LUC7L2: variants seen among roughly 807,000 people sequenced by gnomAD.
The protein encoded by LUC7L2 is putative RNA-binding protein Luc7-like 2.
Under a neutral mutation model 52.8 loss-of-function variants are expected in LUC7L2, and 25 were observed. That is an observed-to-expected ratio of 0.47 (90% confidence interval 0.34 to 0.66). The LOEUF (loss-of-function observed/expected upper bound fraction) is 0.66. Among genes scored for constraint, LUC7L2 ranks in the 30% least tolerant of loss-of-function variants. The pLI is 0.01. For synonymous variants in LUC7L2, 144 were observed against 160.9 expected (o/e 0.89, Z 0.80); for missense variants, 328 against 497.8 (o/e 0.66, Z 3.25).
chr7:139,410,712 TAG>T (rs376819651), intron 7 of LUC7L2, among the ~76,000 whole-genome samples: 1 of 152,356 alleles, frequency 6.6e-6, no homozygotes, highest in East Asian at 1.9e-4. Flanking sequence ...ACCTTCTCTT[TAG>T]AGTTAGCAGA....
At chr7:139,376,509 GGT>G (rs1800720878) in intron 2 of LUC7L2, among the ~76,000 whole-genome samples, 1 of 151,868 alleles carries the variant, frequency 6.6e-6, no homozygotes, top group Non-Finnish European at 1.5e-5. Context: ...TATCTAGTAC[GGT>G]ATACATTTTT....
At chr7:139,406,062 T>G (rs1245420029) in intron 5 of LUC7L2, among the ~76,000 whole-genome samples, 1 of 152,124 alleles carries the variant, frequency 6.6e-6, no homozygotes, top group Non-Finnish European at 1.5e-5. Context: ...CTTCTTTTTG[T>G]TTTTTTGAGA....
At position 139,398,843 on chromosome 7, in the gene LUC7L2, T is replaced by G. The variant is rs142773736; in HGVS notation, c.255+146T>G. 597 of 587,734 alleles carry G rather than the reference T, an allele frequency of 1.0e-3. 3 individuals carry two copies. The highest frequency in any genetic ancestry group is 1.7e-3 in the South Asian group (51 of 29,332). The allele number at this position is 587,734 out of a possible 1,614,324, so 36.4% of individuals were successfully genotyped here. ...AAGACTCAAGTAAGATCATGTACTTTCTTGACAACTCTTTTAAAAATATGA... is the reference window on the plus strand; with the variant it reads ...AAGACTCAAGTAAGATCATGTACTTGCTTGACAACTCTTTTAAAAATATGA... On this transcript the variant is annotated intron_variant, in intron 3 of 9. Transcript: ENST00000354926.
At chr7:139,407,095 A>G (rs201933164) in intron 5 of LUC7L2, 79 bp from the exon 6 acceptor site, 3 of 1,250,494 alleles carry the variant, frequency 2.4e-6, no homozygotes, top group East Asian at 6.6e-5. Flanking sequence ...CACTTTTGGT[A>G]TAAGCATAGT....
At chr7:139,366,145 A>G (rs564674095) in intron 1 of LUC7L2, among the ~76,000 whole-genome samples, 6 of 152,348 alleles carry the variant, frequency 3.9e-5, no homozygotes, top group Admixed American at 2.6e-4. Context: ...ATATTTTGCT[A>G]TTAGCATAGA....
intron 2 of LUC7L2, among the ~76,000 whole-genome samples, chr7:139,387,401 G>A (rs1055619590): frequency 1.3e-5 from 2 of 151,964 alleles, no homozygotes; most frequent in Non-Finnish European, 2.9e-5. Flanking sequence ...TACCATGTTG[G>A]CCAGGCTGGT....
chr7:139,382,148 C>T (rs1310450440), intron 2 of LUC7L2, among the ~76,000 whole-genome samples: 2 of 150,976 alleles, frequency 1.3e-5, no homozygotes, highest in African/African-American at 2.4e-5. Flanking sequence ...CCTTGGCCTC[C>T]CAAAGTGCTG....
At chr7:139,385,049 C>T (rs950600262) in intron 2 of LUC7L2, among the ~76,000 whole-genome samples, 5 of 152,028 alleles carry the variant, frequency 3.3e-5, no homozygotes, top group Non-Finnish European at 7.4e-5. Context: ...ATATCTTATT[C>T]TGGTTTAGTG....
chr7:139,402,035 A>G, intron 3 of LUC7L2, 102 bp from the exon 4 acceptor site: 1 of 1,277,642 alleles, frequency 7.8e-7, no homozygotes, highest in Non-Finnish European at 1.0e-6. Flanking sequence ...ACCGTGCCCC[A>G]CCATGGTAGC....
intron 1 of LUC7L2, among the ~76,000 whole-genome samples, chr7:139,368,902 C>T (rs1449004807): frequency 1.3e-5 from 2 of 152,014 alleles, no homozygotes; most frequent in Admixed American, 6.6e-5. Flanking sequence ...TTAAGGCTCA[C>T]GTCTCCTTCA....
At chr7:139,401,137 G>A (rs558751272) in intron 3 of LUC7L2, among the ~76,000 whole-genome samples, 4 of 152,046 alleles carry the variant, frequency 2.6e-5, no homozygotes, top group African/African-American at 9.6e-5. Flanking sequence ...AATTTTTATA[G>A]TGTAGATACT....
intron 1 of LUC7L2, among the ~76,000 whole-genome samples, chr7:139,342,894 A>C (rs1331154334): frequency 6.6e-6 from 1 of 152,208 alleles, no homozygotes; most frequent in Non-Finnish European, 1.5e-5. Flanking sequence ...TCTGGAATGC[A>C]CTTGAGCATA....
chr7:139,355,693 G>A (rs1335302255), upstream of LUC7L2, among the ~76,000 whole-genome samples: 1 of 152,106 alleles, frequency 6.6e-6, no homozygotes, highest in Non-Finnish European at 1.5e-5. Context: ...AAAAGGCATC[G>A]GCTTTGAAAG....
upstream of LUC7L2, chr7:139,359,862 G>A (rs1799767262): frequency 9.8e-6 from 4 of 408,248 alleles, no homozygotes; most frequent in Non-Finnish European, 1.3e-5. Flanking sequence ...TGGAGCCCCC[G>A]CGGGAAACGA....
Position 139,360,253 on chromosome 7 carries a change from G to A in LUC7L2, c.-9G>A. 1 of 1,549,480 alleles carries A rather than the reference G, an allele frequency of 6.5e-7. No homozygotes were observed. Among genetic ancestry groups the A allele is most frequent in the Non-Finnish European group, 8.7e-7 (1 of 1,147,676 alleles). On this transcript the variant is annotated 5_prime_UTR_variant, in exon 1 of 10. Transcript: ENST00000354926. ...CCACCCCCGCCCGTCCGCCCGCTAC[G>A]CCGCCGCCATGTCGGCGCAGGCCCA... is the stretch of plus-strand genomic sequence containing the variant.
chr7:139,385,502 G>A (rs1244841848), intron 2 of LUC7L2, among the ~76,000 whole-genome samples: 1 of 151,690 alleles, frequency 6.6e-6, no homozygotes, highest in East Asian at 1.9e-4. Flanking sequence ...TAAAATTTCT[G>A]TAGAGAGAGA....
At chr7:139,394,940 G>A (rs909799143) in intron 2 of LUC7L2, among the ~76,000 whole-genome samples, 3 of 152,054 alleles carry the variant, frequency 2.0e-5, no homozygotes, top group Non-Finnish European at 4.4e-5. Context: ...ATACCTGGGG[G>A]GCTTTTACAA....
chr7:139,403,279 G>C (rs1374418471), intron 4 of LUC7L2, among the ~76,000 whole-genome samples: 1 of 152,128 alleles, frequency 6.6e-6, no homozygotes, highest in Non-Finnish European at 1.5e-5. Context: ...TTCTTATAGA[G>C]TCGATTTATT....
chr7:139,407,372 C>G, intron 6 of LUC7L2, 22 bp downstream of exon 6: 1 of 1,592,960 alleles, frequency 6.3e-7, no homozygotes, highest in Non-Finnish European at 8.6e-7. Context: ...AAATATTCCT[C>G]ACTTTATCCT....
Sources: gnomAD v4.1 joint callset for allele counts (sites outside exome capture counted in the v4.1 genomes callset) on GRCh38, gnomAD v4.1.1 for gene constraint, MANE v1.5 for transcripts, NCBI Gene and HGNC (gene_info 2026-07-23, HGNC 2026-07-21) for gene names.